The following ZEB2 variants were observed in gnomAD, a reference collection of about 807,000 sequenced individuals.
ZEB2 encodes the protein zinc finger E-box-binding homeobox 2.
ZEB2 carries 6 observed loss-of-function variants against 99.9 expected under a neutral mutation model. The observed-to-expected ratio is 0.06, with a 90% CI of 0.03 to 0.12. The LOEUF (loss-of-function observed/expected upper bound fraction) is 0.12. Among genes scored for constraint, ZEB2 ranks in the 10% least tolerant of loss-of-function variants. ZEB2 has a pLI of 1.00. For synonymous variants in ZEB2, 517 were observed against 542.5 expected, an observed-to-expected ratio of 0.95 and a Z score of 0.65; for missense variants, 969 against 1,502.8, an observed-to-expected ratio of 0.64 and a Z score of 5.87.
chr2:144,417,751 A>C (rs1000171000), intron 4 of ZEB2, among the ~76,000 whole-genome samples: 2 of 152,198 alleles, frequency 1.3e-5, no homozygotes, highest in Non-Finnish European at 2.9e-5. Flanking sequence ...GATAGGAGAA[A>C]TAGTTATGTT....
intron 4 of ZEB2, among the ~76,000 whole-genome samples, chr2:144,418,513 C>T (rs1486759655): frequency 6.6e-6 from 1 of 152,014 alleles, no homozygotes; most frequent in African/African-American, 2.4e-5. Context: ...CATGACAAAA[C>T]CCCATCTCTA....
rs150957364 is a variant in ZEB2, at chr2:144,513,821, A to G, written c.73+3457T>C. 4.6e-5 allele frequency: 70 copies of G among 1,535,914 alleles called. No homozygotes were observed. In the African/African-American group the frequency reaches 8.8e-4, roughly 19 times the overall value. ...GGCTGTGTGGAGATAGTGGGGTATA[A>G]TCAGGGGAAAGAAAAAGGGGGGCTG... On this transcript the variant is annotated intron_variant, in intron 2 of 9. Transcript: ENST00000627532.
chr2:144,488,326 T>C (rs1411473349), intron 2 of ZEB2, among the ~76,000 whole-genome samples: 3 of 152,242 alleles, frequency 2.0e-5, no homozygotes, highest in Non-Finnish European at 2.9e-5. Context: ...GGAAACTGTT[T>C]GGAGATTTAA....
At chr2:144,492,584 G>C (rs572914548) in intron 2 of ZEB2, among the ~76,000 whole-genome samples, 107 of 152,202 alleles carry the variant, frequency 7.0e-4, no homozygotes, top group African/African-American at 2.5e-3. Flanking sequence ...GAGCCCAGAT[G>C]TCCAAAGCCT....
chr2:144,404,816 A>G lies in ZEB2; in HGVS notation c.592+20T>C, dbSNP rs1703361341. 1.2e-6 allele frequency: 2 copies of G among 1,612,536 alleles called. No homozygotes were observed. Among genetic ancestry groups the G allele is most frequent in the Non-Finnish European group, 1.7e-6 (2 of 1,179,372 alleles). ...GCTGCAGAGGTCAGTGCAGTGGCTAAAAATGATTTACAGCCTCACCATTTT... is the reference window on the plus strand; with the variant it reads ...GCTGCAGAGGTCAGTGCAGTGGCTAGAAATGATTTACAGCCTCACCATTTT... On this transcript the variant is annotated intron_variant, in intron 5 of 9. Coordinates refer to ENST00000627532, the MANE Select transcript of ZEB2 (RefSeq NM_014795.4).
intron 2 of ZEB2, chr2:144,512,770 G>T: frequency 7.8e-7 from 1 of 1,287,146 alleles, no homozygotes; most frequent in South Asian, 1.2e-5. Context: ...AAATAGATCA[G>T]CCTAGATACA....
At chr2:144,429,734 G>T in intron 3 of ZEB2, 35 bp downstream of exon 3, 1 of 1,613,628 alleles carries the variant, frequency 6.2e-7, no homozygotes. Flanking sequence ...TGTGAAGATG[G>T]TACAGGAAGA....
Position 144,479,682 on chromosome 2 carries a change from T to TGGGGGG in ZEB2, c.73+37595_73+37596insCCCCCC, listed in dbSNP as rs140945730. On this transcript the variant is annotated intron_variant, in intron 2 of 9. Transcript: ENST00000627532. ...TAGTGAGTGTGTATGCTACTTTTTT[T>TGGGGGG]TGGGGGGGGGGGCGGGGGGTGGACT... Among the ~76,000 whole-genome samples the TGGGGGG allele has an allele frequency of 8.7e-4, 26 of 29,818 alleles. 1 individual carries two copies. The highest frequency in any genetic ancestry group is 1.6e-3 in the Non-Finnish European group (20 of 12,464). The allele number at this position is 29,818 out of a possible 152,430, so 19.6% of individuals were successfully genotyped here. A position where few individuals can be genotyped will look rare whatever the true frequency, so the allele number is the denominator to read the frequency against.
intron 2 of ZEB2, among the ~76,000 whole-genome samples, chr2:144,483,195 C>G (rs956842444): frequency 1.3e-4 from 19 of 149,332 alleles, no homozygotes; most frequent in African/African-American, 4.0e-4. Flanking sequence ...ATACTGATGG[C>G]ATGGAAAACA....
At chr2:144,477,565 A>G (rs1704447776) in intron 2 of ZEB2, among the ~76,000 whole-genome samples, 1 of 152,260 alleles carries the variant, frequency 6.6e-6, no homozygotes, top group Non-Finnish European at 1.5e-5. Context: ...TCAGCCAGTT[A>G]CATTTAACTC....
intron 4 of ZEB2, among the ~76,000 whole-genome samples, chr2:144,417,301 G>T (rs904366511): frequency 1.3e-5 from 2 of 152,008 alleles, no homozygotes; most frequent in Non-Finnish European, 2.9e-5. Flanking sequence ...TTTCCTTAAA[G>T]TTTCCTCAAG....
chr2:144,499,198 CAA>C (rs896666524), intron 2 of ZEB2, among the ~76,000 whole-genome samples: 1 of 152,160 alleles, frequency 6.6e-6, no homozygotes, highest in Non-Finnish European at 1.5e-5. Context: ...AAAAGCCCCA[CAA>C]AGTCTCTTAA....
At chr2:144,402,958 G>T (rs1270032498) in intron 6 of ZEB2, among the ~76,000 whole-genome samples, 1 of 152,164 alleles carries the variant, frequency 6.6e-6, no homozygotes, top group African/African-American at 2.4e-5. Context: ...AGAAAATGAA[G>T]GTTATAAGGA....
At chr2:144,516,213 A>AGC (rs1705136705) in intron 2 of ZEB2, 1 of 134,918 alleles carries the variant, frequency 7.4e-6, no homozygotes, top group African/African-American at 3.0e-5. Context: ...ATCCTCCGTC[A>AGC]GCTCCCCCAC....
chr2:144,482,608 C>A (rs1704529016), intron 2 of ZEB2, among the ~76,000 whole-genome samples: 1 of 152,170 alleles, frequency 6.6e-6, no homozygotes, highest in African/African-American at 2.4e-5. Flanking sequence ...TTCTGGCCTG[C>A]AGGTTTTTCT....
intron 1 of ZEB2, 56 bp downstream of exon 1, chr2:144,519,883 G>A (rs1383431694): frequency 5.0e-6 from 2 of 401,718 alleles, no homozygotes; most frequent in Non-Finnish European, 9.7e-6. Context: ...GAGGATGGAG[G>A]ACGAGCACAC....
intron 2 of ZEB2, among the ~76,000 whole-genome samples, chr2:144,460,095 G>A (rs923838232): frequency 1.3e-5 from 2 of 152,178 alleles, no homozygotes; most frequent in African/African-American, 2.4e-5. Flanking sequence ...AGGTTGCTAT[G>A]TTATGATGAT....
At chr2:144,426,809 T>C (rs1220648501) in intron 3 of ZEB2, 1 of 152,208 alleles carries the variant, frequency 6.6e-6, no homozygotes, top group African/African-American at 2.4e-5. Context: ...TCAATCTTTT[T>C]CTTTTTTGAA....
rs1703366667 is a variant in ZEB2 at position 144,405,042 on chromosome 2, G to A, written c.404-18C>T. 6.2e-7 allele frequency: 1 copy of A among 1,611,722 alleles called. No individual in the cohort carries two copies. Among genetic ancestry groups the A allele is most frequent in the Non-Finnish European group, 8.5e-7 (1 of 1,179,780 alleles). ...ATTCTTCACTGAAATCATAAAAGGA[G>A]AAGAAATGTTGTTTCCGGGCCTTCT... On this transcript the variant is annotated intron_variant, in intron 4 of 9. Coordinates refer to ENST00000627532, the MANE Select transcript of ZEB2 (RefSeq NM_014795.4).
Sources: gnomAD v4.1 joint callset for allele counts (sites outside exome capture counted in the v4.1 genomes callset) on GRCh38, gnomAD v4.1.1 for gene constraint, MANE v1.5 for transcripts, NCBI Gene and HGNC (gene_info 2026-07-23, HGNC 2026-07-21) for gene names.